Variants in SHANK2 observed in about 807,000 individuals in gnomAD.
SHANK2 encodes the protein SH3 and multiple ankyrin repeat domains protein 2.
A neutral mutation model predicts 133.7 loss-of-function variants in SHANK2; 43 were observed. The ratio of observed to expected loss-of-function variants is 0.32; its 90% CI spans 0.25 to 0.41. The LOEUF (loss-of-function observed/expected upper bound fraction) is 0.41, where lower values mean the gene tolerates loss of function less well. SHANK2 is among the 10% of genes least tolerant of loss of function. The pLI, the probability that SHANK2 is intolerant of heterozygous loss-of-function variation, is 1.00. For missense variants in SHANK2, 1,994 were observed against 2,235.8 expected (o/e 0.89, Z 2.18); for synonymous variants, 1,017 against 952.8 (o/e 1.07, Z -1.24).
chr11:70,595,783 G>A (rs1411841892), intron 17 of SHANK2, among the ~76,000 whole-genome samples: 1 of 152,252 alleles, frequency 6.6e-6, no homozygotes, highest in South Asian at 2.1e-4. Context: ...GACTCAGAGA[G>A]ACCCAGCTCC....
In SHANK2 at chr11:71,210,229, TATATATATATATATATATATA is replaced by T. The variant is rs1591023233; in HGVS notation, c.-13+14447_-13+14467del. Among the ~76,000 whole-genome samples the T allele has an allele frequency of 5.8e-4, 40 of 68,640 alleles. 1 individual carries two copies. Among genetic ancestry groups the T allele is most frequent in the South Asian group, 5.3e-3 (8 of 1,510 alleles). The allele number at this position is 68,640 out of a possible 152,430, so 45.0% of individuals were successfully genotyped here. ...CCACAGGTATATATATATATATATA[TATATATATATATATATATATA>T]TATTTATTTATTTTTTGAAACAGAG... is the stretch of plus-strand genomic sequence containing the variant. On this transcript the variant is annotated intron_variant, in intron 2 of 25. Transcript: ENST00000601538.
chr11:70,832,278 G>A (rs1948737215), intron 11 of SHANK2, among the ~76,000 whole-genome samples: 1 of 152,216 alleles, frequency 6.6e-6, no homozygotes, highest in Non-Finnish European at 1.5e-5. Context: ...TAAGTGGATA[G>A]CAAGGCAATC....
intron 17 of SHANK2, among the ~76,000 whole-genome samples, chr11:70,550,988 T>C (rs986849170): frequency 6.6e-6 from 1 of 152,004 alleles, no homozygotes; most frequent in Non-Finnish European, 1.5e-5. Flanking sequence ...TCCAGGAAGG[T>C]CCAGGGACAC....
chr11:70,890,757 C>G (rs1450681897), intron 11 of SHANK2, among the ~76,000 whole-genome samples: 1 of 150,428 alleles, frequency 6.6e-6, no homozygotes, highest in African/African-American at 2.5e-5. Context: ...CAAGATCGCA[C>G]CACTGCATTC....
At chr11:70,862,647 T>C in intron 11 of SHANK2, 1 of 296,360 alleles carries the variant, frequency 3.4e-6, no homozygotes, top group Non-Finnish European at 6.4e-6. Context: ...GCTGATGGAC[T>C]GGACTGGCTG....
intron 17 of SHANK2, among the ~76,000 whole-genome samples, chr11:70,532,495 G>A (rs763204421): frequency 2.6e-4 from 39 of 152,172 alleles, no homozygotes; most frequent in Admixed American, 6.5e-4. Context: ...GTCTGTGTGC[G>A]TGCATTTTCC....
At chr11:70,675,064 G>T (rs1296182655) in intron 15 of SHANK2, among the ~76,000 whole-genome samples, 1 of 152,216 alleles carries the variant, frequency 6.6e-6, no homozygotes, top group Non-Finnish European at 1.5e-5. Flanking sequence ...CTGGAAAAGA[G>T]GCAAGGAGAA....
At chr11:70,924,596 A>G (rs1950400707) in intron 10 of SHANK2, among the ~76,000 whole-genome samples, 1 of 152,120 alleles carries the variant, frequency 6.6e-6, no homozygotes, top group South Asian at 2.1e-4. Flanking sequence ...AGCTGGGATT[A>G]CAGGCACCCG....
intron 17 of SHANK2, among the ~76,000 whole-genome samples, chr11:70,654,598 T>A (rs2061380604): frequency 6.6e-6 from 1 of 152,158 alleles, no homozygotes; most frequent in African/African-American, 2.4e-5. Flanking sequence ...TGTAACCTTT[T>A]CTGGTTGGTA....
chr11:71,212,974 G>A (rs1244664235), intron 2 of SHANK2, among the ~76,000 whole-genome samples: 3 of 151,348 alleles, frequency 2.0e-5, no homozygotes, highest in African/African-American at 7.3e-5. Context: ...ACAGGGAGAG[G>A]AGCAGGGACC....
At chr11:70,943,519 T>C (rs1391574986) in intron 10 of SHANK2, among the ~76,000 whole-genome samples, 1 of 151,866 alleles carries the variant, frequency 6.6e-6, no homozygotes, top group Non-Finnish European at 1.5e-5. Flanking sequence ...GGGTCCAGAT[T>C]TAGGGCACAG....
At chr11:70,655,022 G>C (rs182536445) in intron 17 of SHANK2, among the ~76,000 whole-genome samples, 1 of 152,074 alleles carries the variant, frequency 6.6e-6, no homozygotes, top group Non-Finnish European at 1.5e-5. Flanking sequence ...ACCCGTCTTG[G>C]CCTCCCAAAG....
At chr11:70,695,709 A>G (rs1208011874) in intron 15 of SHANK2, among the ~76,000 whole-genome samples, 1 of 152,210 alleles carries the variant, frequency 6.6e-6, no homozygotes, top group Admixed American at 6.5e-5. Context: ...TAGCAGGTGG[A>G]ATGTAACACC....
At chr11:71,079,977 G>A (rs936915798) in intron 8 of SHANK2, among the ~76,000 whole-genome samples, 7 of 150,838 alleles carry the variant, frequency 4.6e-5, no homozygotes, top group Non-Finnish European at 1.0e-4. Context: ...AAGAAAGAAC[G>A]AACTCGCTTG....
intron 13 of SHANK2, among the ~76,000 whole-genome samples, chr11:70,801,107 C>A (rs545313767): frequency 7.2e-5 from 11 of 152,254 alleles, no homozygotes; most frequent in African/African-American, 2.2e-4. Flanking sequence ...GGCACGTGAG[C>A]CCAGTGTGGA....
intron 10 of SHANK2, among the ~76,000 whole-genome samples, chr11:70,904,510 G>GGT (rs1950071431): frequency 7.3e-6 from 1 of 136,294 alleles, no homozygotes; most frequent in African/African-American, 2.8e-5. Flanking sequence ...GATCTGATGG[G>GGT]TTTTTTTTTT....
intron 9 of SHANK2, among the ~76,000 whole-genome samples, chr11:71,071,654 C>T (rs1456576631): frequency 6.6e-6 from 1 of 152,150 alleles, no homozygotes; most frequent in African/African-American, 2.4e-5. Flanking sequence ...TTGAAGGATG[C>T]ATAGGAGTTT....
chr11:71,201,244 C>A (rs115991501), intron 2 of SHANK2, among the ~76,000 whole-genome samples: 2 of 152,200 alleles, frequency 1.3e-5, no homozygotes, highest in African/African-American at 4.8e-5. Flanking sequence ...CTTGACAAAG[C>A]GGTGGAAATC....
chr11:70,796,256 C>T (rs1437386220), intron 14 of SHANK2, among the ~76,000 whole-genome samples: 1 of 152,128 alleles, frequency 6.6e-6, no homozygotes, highest in Non-Finnish European at 1.5e-5. Flanking sequence ...AGACAGGTTG[C>T]TCCAGCTGCC....
Sources: allele counts gnomAD v4.1 joint callset (sites outside exome capture counted in the v4.1 genomes callset), GRCh38; gene constraint gnomAD v4.1.1; transcripts MANE v1.5; gene names NCBI Gene and HGNC (gene_info 2026-07-23, HGNC 2026-07-21).